The following EPB41L3 variants were observed in gnomAD, a reference collection of about 807,000 sequenced individuals.
EPB41L3 encodes the protein erythrocyte membrane protein band 4.1 like 3.
A neutral mutation model predicts 127.1 loss-of-function variants in EPB41L3; 57 were observed. The ratio of observed to expected loss-of-function variants is 0.45; its 90% CI spans 0.36 to 0.56. EPB41L3 has a LOEUF of 0.56. Ranked by LOEUF, EPB41L3 falls within the 20% of genes least tolerant of loss-of-function variation. The pLI is 0.00. For synonymous variants in EPB41L3, 572 were observed against 549.5 expected (o/e 1.04, Z -0.57); for missense variants, 1,273 against 1,372.2 (o/e 0.93, Z 1.14).
At chr18:5,425,450 A>AT (rs1398930924) in intron 9 of EPB41L3, among the ~76,000 whole-genome samples, 1 of 152,138 alleles carries the variant, frequency 6.6e-6, no homozygotes, top group East Asian at 1.9e-4. Context: ...ATCATCATCC[A>AT]TTTATTCATC....
At chr18:5,615,112 T>G (rs2094777537) in intron 1 of EPB41L3, among the ~76,000 whole-genome samples, 1 of 151,554 alleles carries the variant, frequency 6.6e-6, no homozygotes, top group South Asian at 2.1e-4. Context: ...TGGTTAAACA[T>G]CAAGAGAAAA....
intron 3 of EPB41L3, among the ~76,000 whole-genome samples, chr18:5,576,417 G>A (rs1246569795): frequency 6.6e-6 from 1 of 152,186 alleles, no homozygotes; most frequent in African/African-American, 2.4e-5. Context: ...AGGTGACACA[G>A]ATAAGAAACA....
intron 9 of EPB41L3, among the ~76,000 whole-genome samples, chr18:5,427,949 GT>G (rs1400190666): frequency 6.6e-6 from 1 of 152,064 alleles, no homozygotes; most frequent in East Asian, 1.9e-4. Flanking sequence ...ATTTCACCGT[GT>G]TAGCCAGGAT....
At chr18:5,575,798 T>A (rs985620101) in intron 3 of EPB41L3, among the ~76,000 whole-genome samples, 1 of 152,110 alleles carries the variant, frequency 6.6e-6, no homozygotes, top group South Asian at 2.1e-4. Flanking sequence ...CATGGTGCCA[T>A]TGCACTGCAG....
At chr18:5,427,661 AAG>A (rs1298948832) in intron 9 of EPB41L3, among the ~76,000 whole-genome samples, 2 of 152,264 alleles carry the variant, frequency 1.3e-5, no homozygotes, top group Admixed American at 1.3e-4. Context: ...GACAAACAGA[AAG>A]AGCATGGAGA....
At chr18:5,534,027 G>C (rs972302620) in intron 1 of EPB41L3, among the ~76,000 whole-genome samples, 1 of 152,144 alleles carries the variant, frequency 6.6e-6, no homozygotes. Context: ...GCAAGGCGTG[G>C]TGGCGGGCGC....
At chr18:5,527,021 A>C (rs960055516) in intron 1 of EPB41L3, among the ~76,000 whole-genome samples, 2 of 152,154 alleles carry the variant, frequency 1.3e-5, no homozygotes, top group Admixed American at 1.3e-4. Context: ...AAAAAAAAAA[A>C]AAAAACTGTT....
chr18:5,470,253 A>G (rs1471791705), intron 3 of EPB41L3, among the ~76,000 whole-genome samples: 2 of 152,226 alleles, frequency 1.3e-5, no homozygotes, highest in African/African-American at 2.4e-5. Context: ...TTCCAGATAT[A>G]AAATTGTTTG....
At chr18:5,618,593 C>T (rs570244607) in intron 1 of EPB41L3, among the ~76,000 whole-genome samples, 1 of 152,326 alleles carries the variant, frequency 6.6e-6, no homozygotes, top group East Asian at 1.9e-4. Context: ...ATCTTTGATG[C>T]TCCTTCTCAT....
At position 5,403,994 on chromosome 18, in the gene EPB41L3, A is replaced by T. The variant is rs149681400; in HGVS notation, c.2349+2783T>A. Among the ~76,000 whole-genome samples the T allele has an allele frequency of 1.6e-3, 244 of 152,318 alleles. 1 individual carries two copies. The highest frequency in any genetic ancestry group is 5.7e-3 in the African/African-American group (235 of 41,562). On this transcript the variant is annotated intron_variant, in intron 16 of 22. Coordinates refer to ENST00000341928, the MANE Select transcript of EPB41L3 (RefSeq NM_012307.5). ...ACAGAAGCCATGGTTTTAATATAGA[A>T]ATAGGCAATAATTTAGAGCAAAAGA... is the stretch of plus-strand genomic sequence containing the variant.
chr18:5,590,780 C>T (rs1445242051), intron 3 of EPB41L3, among the ~76,000 whole-genome samples: 2 of 152,098 alleles, frequency 1.3e-5, no homozygotes, highest in Non-Finnish European at 2.9e-5. Flanking sequence ...AAGGTGCTAC[C>T]TGAATGAAAG....
chr18:5,429,724 T>A (rs2078717435), intron 8 of EPB41L3, among the ~76,000 whole-genome samples: 1 of 151,988 alleles, frequency 6.6e-6, no homozygotes, highest in Admixed American at 6.6e-5. Context: ...TCTGCAGGAG[T>A]GGAAATATTT....
upstream of EPB41L3, among the ~76,000 whole-genome samples, chr18:5,545,834 A>G (rs1244009688): frequency 6.6e-6 from 1 of 151,726 alleles, no homozygotes; most frequent in Non-Finnish European, 1.5e-5. Context: ...TGAGTATTAG[A>G]GACATATATG....
At chr18:5,553,711 C>G (rs1013114299) in intron 3 of EPB41L3, among the ~76,000 whole-genome samples, 2 of 152,216 alleles carry the variant, frequency 1.3e-5, no homozygotes, top group Non-Finnish European at 2.9e-5. Context: ...CCTCTGGCAC[C>G]CTGGTGCAAA....
intron 21 of EPB41L3, 73 bp downstream of exon 21, chr18:5,394,994 G>T: frequency 2.8e-6 from 4 of 1,418,832 alleles, no homozygotes; most frequent in Non-Finnish European, 4.0e-6. Flanking sequence ...TAGAGGAATA[G>T]CATTGAAACT....
At position 5,577,046 on chromosome 18, in the gene EPB41L3, T is replaced by C. The variant is rs1300791629; in HGVS notation, c.-306+35294A>G. 2.6e-5 allele frequency among the ~76,000 whole-genome samples: 4 copies of C among 152,322 alleles called. No homozygotes were observed. In the South Asian group the frequency reaches 6.2e-4, roughly 24 times the overall value. On this transcript the variant is annotated intron_variant, in intron 3 of 21. Transcript: ENST00000545076. ...AAGAAGGACAAAGGGAAAGGTGAGATATGCTGTAGCTAGACTTCATCCATT... is the reference window on the plus strand; with the variant it reads ...AAGAAGGACAAAGGGAAAGGTGAGACATGCTGTAGCTAGACTTCATCCATT...
intron 3 of EPB41L3, among the ~76,000 whole-genome samples, chr18:5,478,020 A>G (rs2087595878): frequency 6.6e-6 from 1 of 152,230 alleles, no homozygotes; most frequent in African/African-American, 2.4e-5. Flanking sequence ...TTTAAAAAAT[A>G]TAAGGTCACA....
chr18:5,625,818 T>C (rs1047747828), intron 1 of EPB41L3, among the ~76,000 whole-genome samples: 4 of 152,214 alleles, frequency 2.6e-5, no homozygotes, highest in African/African-American at 9.6e-5. Context: ...AGAGATCTTA[T>C]ACAATGAGCT....
At chr18:5,455,265 T>C (rs556564114) in intron 3 of EPB41L3, among the ~76,000 whole-genome samples, 1 of 151,868 alleles carries the variant, frequency 6.6e-6, no homozygotes, top group East Asian at 1.9e-4. Context: ...AATGAAATCA[T>C]AGAAAACAAA....
Sources: gnomAD v4.1 joint callset for allele counts (sites outside exome capture counted in the v4.1 genomes callset) on GRCh38, gnomAD v4.1.1 for gene constraint, MANE v1.5 for transcripts, NCBI Gene and HGNC (gene_info 2026-07-23, HGNC 2026-07-21) for gene names.